Variants in TEX15 observed in about 807,000 individuals in gnomAD.
TEX15 encodes testis-expressed protein 15.
A neutral mutation model predicts 237.3 loss-of-function variants in TEX15; 171 were observed. That is an observed-to-expected ratio of 0.72 (90% CI 0.64 to 0.82). The LOEUF (loss-of-function observed/expected upper bound fraction) is 0.82, where lower values mean the gene tolerates loss of function less well. Ranked by LOEUF, TEX15 falls within the 40% of genes least tolerant of loss-of-function variation. TEX15 has a pLI of 0.00. For missense variants in TEX15, 3,750 were observed against 3,646.5 expected, an observed-to-expected ratio of 1.03 and a Z score of -0.73; for synonymous variants, 1,338 against 1,269.8, an observed-to-expected ratio of 1.05 and a Z score of -1.14.
At chr8:30,910,746 T>C (rs925050858) in intron 1 of TEX15, among the ~76,000 whole-genome samples, 8 of 150,940 alleles carry the variant, frequency 5.3e-5, no homozygotes, top group Admixed American at 4.6e-4. Context: ...TTGGCACTCA[T>C]CCAAATAATT....
rs961247155 is a variant in TEX15, at chr8:30,837,901, A to C, written c.8383T>G (p.Ser2795Ala). 1 of 1,613,976 alleles carries C rather than the reference A, an allele frequency of 6.2e-7. No individual in the cohort carries two copies. Among genetic ancestry groups the C allele is most frequent in the African/African-American group, 1.3e-5 (1 of 74,906 alleles). Residue 2795 changes from serine to alanine, a missense_variant, in exon 10 of 11, where the codon TCG (serine) becomes GCG (alanine). Ser to Ala is a moderately conservative substitution (Grantham distance 99, BLOSUM62 1). Transcript: ENST00000643185. ...ENPKDTCASK[S>A]ESKIDLTVSS... The stretch of plus-strand genomic sequence containing the variant: ...ACAGTTAAGTCTATTTTGCTTTCCG[A>C]CTTTGATGCGCAAGTGTCTTTTGGG...
intron 5 of TEX15, among the ~76,000 whole-genome samples, chr8:30,860,268 A>C (rs323361): frequency 0.34 from 51,271 of 151,636 alleles, 12,729 homozygotes; most frequent in African/African-American, 0.7. Context: ...ACTACAGGTA[A>C]GCACCACCGT....
intron 3 of TEX15, among the ~76,000 whole-genome samples, chr8:30,883,962 A>C (rs2128775333): frequency 6.6e-6 from 1 of 152,258 alleles, no homozygotes; most frequent in South Asian, 2.1e-4. Context: ...TTACATTTAC[A>C]TTCTTGCTTG....
intron 3 of TEX15, among the ~76,000 whole-genome samples, chr8:30,886,177 T>C (rs1262635799): frequency 6.6e-6 from 1 of 152,224 alleles, no homozygotes; most frequent in Non-Finnish European, 1.5e-5. Flanking sequence ...CTCTAGATTA[T>C]ATTTAATCTT....
chr8:30,838,123 GGAAATATATATTT>G, intron 9 of TEX15, 62 bp from the exon 10 acceptor site: 1 of 1,381,432 alleles, frequency 7.2e-7, no homozygotes, highest in Admixed American at 2.6e-5. Context: ...AAATTTTAAT[GGAAATATATATTT>G]GAAATTTTTA....
chr8:30,889,940 T>TATATACATATATATATATATACAC (rs1554502302), intron 2 of TEX15, among the ~76,000 whole-genome samples: 16 of 129,902 alleles, frequency 1.2e-4, no homozygotes, highest in African/African-American at 5.0e-4. Context: ...TATACATATA[T>TATATACATATATATATATATACAC]ATATATATAT....
chr8:30,909,394 A>ACCCCCCCCCCCCCCCCCCCCCCCC (rs35046956), intron 1 of TEX15, among the ~76,000 whole-genome samples: 20 of 118,330 alleles, frequency 1.7e-4, no homozygotes, highest in African/African-American at 4.3e-4. Context: ...TTAAAGACAG[A>ACCCCCCCCCCCCCCCCCCCCCCCC]CCCCCCCCCG....
chr8:30,894,028 T>C (rs1261432927), intron 2 of TEX15, among the ~76,000 whole-genome samples: 1 of 152,234 alleles, frequency 6.6e-6, no homozygotes, highest in Non-Finnish European at 1.5e-5. Context: ...CTGACTCTCT[T>C]CAGCTAGGTC....
intron 5 of TEX15, 107 bp from the exon 6 acceptor site, chr8:30,860,164 C>A: frequency 2.0e-6 from 2 of 1,017,356 alleles, no homozygotes; most frequent in East Asian, 2.8e-5. Flanking sequence ...TTTTCTGAGA[C>A]AGGGTCTCAC....
rs757372146 is a variant in TEX15, at chr8:30,846,410, A to T, written c.3757T>A (p.Ser1253Thr). Residue 1253 changes from serine (S) to threonine (T), a missense_variant, in exon 8 of 11, where the codon TCT becomes ACT. Ser to Thr is a moderately conservative substitution (Grantham distance 58). Coordinates refer to ENST00000643185, the MANE Select transcript of TEX15 (RefSeq NM_001350162.2). The part of the protein sequence containing the change: ...LSRNTDVNHT[S>T]ENQNSESLFT... ...AAAGATTCACTGTTCTGATTTTCAG[A>T]CGTATGATTCACATCTGTATTACGA... The T allele has an allele frequency of 1.9e-6, 3 of 1,613,312 alleles. No homozygotes were observed. In the African/African-American group the frequency reaches 4.0e-5, roughly 22 times the overall value.
At chr8:30,894,731 A>G (rs999979270) in intron 2 of TEX15, among the ~76,000 whole-genome samples, 4 of 152,242 alleles carry the variant, frequency 2.6e-5, no homozygotes, top group African/African-American at 9.6e-5. Flanking sequence ...AAGATTAAAG[A>G]TAAGAGTTAA....
rs758061837 is a variant in TEX15, at chr8:30,837,377, T to C, written c.8907A>G (p.Thr2969=). The C allele has an allele frequency of 1.2e-5, 19 of 1,614,046 alleles. No homozygotes were observed. Among genetic ancestry groups the C allele is most frequent in the Middle Eastern group, 1.6e-4 (1 of 6,084 alleles). ...TESEDKYMKD[T]LNPNTVHTFG... is the part of the protein sequence containing the mutation. ...AAGTATGCACAGTATTGGGATTCAA[T>C]GTATCCTTCATGTATTTGTCCTCTG... The change falls in exon 10 of 11, where the codon ACA becomes ACG. Residue 2969 remains threonine, a synonymous_variant. Transcript: ENST00000643185.
At chr8:30,833,787 T>G (rs953406514) in intron 10 of TEX15, among the ~76,000 whole-genome samples, 6 of 152,214 alleles carry the variant, frequency 3.9e-5, no homozygotes, top group African/African-American at 1.4e-4. Context: ...AACATTGCAA[T>G]TGCCTCCTTA....
intron 3 of TEX15, among the ~76,000 whole-genome samples, chr8:30,881,962 T>G (rs886718002): frequency 2.0e-5 from 3 of 152,172 alleles, no homozygotes; most frequent in African/African-American, 7.2e-5. Context: ...AGCTTAAGAT[T>G]ATTGATCTGA....
At chr8:30,840,154 G>A (rs1040811230) in intron 8 of TEX15, among the ~76,000 whole-genome samples, 190 bp from the exon 9 acceptor site, 1 of 151,528 alleles carries the variant, frequency 6.6e-6, no homozygotes, top group African/African-American at 2.4e-5. Flanking sequence ...TATGTTTGGA[G>A]TAACTTTAAA....
At chr8:30,873,290 T>C (rs192600281) in intron 4 of TEX15, among the ~76,000 whole-genome samples, 2 of 152,264 alleles carry the variant, frequency 1.3e-5, no homozygotes, top group East Asian at 1.9e-4. Flanking sequence ...TTGGAAAGGA[T>C]TAATTACCTA....
Position 30,909,124 on chromosome 8 carries a change from T to TATAAA in TEX15, c.-86+3754_-86+3755insTTTAT. On this transcript the variant is annotated intron_variant, in intron 1 of 10. Transcript: ENST00000643185. ...CAGTGATTGTGTGTAGTTTTAGATT[T>TATAAA]ATATCAGGACAAACTAGATACTCAA... is the stretch of plus-strand genomic sequence containing the variant. 1.3e-5 allele frequency among the ~76,000 whole-genome samples: 2 copies of TATAAA among 152,298 alleles called. 1 individual carries two copies. The highest frequency in any genetic ancestry group is 4.8e-5 in the African/African-American group (2 of 41,556).
intron 10 of TEX15, among the ~76,000 whole-genome samples, chr8:30,835,077 T>C (rs142466001): frequency 6.6e-6 from 1 of 152,106 alleles, no homozygotes; most frequent in African/African-American, 2.4e-5. Flanking sequence ...GAGACCACCC[T>C]AGGCAACACA....
At chr8:30,873,466 A>G (rs1371040749) in intron 4 of TEX15, among the ~76,000 whole-genome samples, 1 of 152,164 alleles carries the variant, frequency 6.6e-6, no homozygotes. Context: ...ATTTTCTCAA[A>G]AACTACAGCC....
Sources: gnomAD v4.1 joint callset for allele counts (sites outside exome capture counted in the v4.1 genomes callset) on GRCh38, gnomAD v4.1.1 for gene constraint, MANE v1.5 for transcripts, NCBI Gene and HGNC (gene_info 2026-07-23, HGNC 2026-07-21) for gene names.